Variants in TNKS2 observed in about 807,000 individuals in gnomAD.
The protein encoded by TNKS2 is tankyrase 2.
TNKS2 carries 72 observed loss-of-function variants against 137.6 expected under a neutral mutation model. That is an observed-to-expected ratio of 0.52 (90% confidence interval 0.43 to 0.64). The LOEUF (loss-of-function observed/expected upper bound fraction) is 0.64. TNKS2 is among the 30% of genes least tolerant of loss of function. The pLI is 0.00. For missense variants in TNKS2, 1,049 were observed against 1,410.2 expected (o/e 0.74, Z 4.10); for synonymous variants, 516 against 512.1 (o/e 1.01, Z -0.10).
intron 1 of TNKS2, among the ~76,000 whole-genome samples, chr10:91,808,855 A>T (rs1358168985): frequency 3.3e-5 from 5 of 152,158 alleles, no homozygotes; most frequent in African/African-American, 1.2e-4. Context: ...AGGAAGCAAT[A>T]AGCCCTCAGT....
intron 13 of TNKS2, among the ~76,000 whole-genome samples, chr10:91,837,507 G>A (rs990792252): frequency 6.6e-6 from 1 of 152,118 alleles, no homozygotes; most frequent in African/African-American, 2.4e-5. Flanking sequence ...CTGTTTCTCC[G>A]ACAAGAGTCT....
intron 16 of TNKS2, 109 bp from the exon 17 acceptor site, chr10:91,844,810 A>T: frequency 3.2e-6 from 2 of 627,788 alleles, no homozygotes; most frequent in Non-Finnish European, 5.5e-6. Flanking sequence ...AAATACATAT[A>T]TATATGTATA....
rs767523653 is a variant in TNKS2, at chr10:91,836,945, G to A, written c.1474G>A (p.Ala492Thr). 1.9e-6 allele frequency: 3 copies of A among 1,612,972 alleles called. No homozygotes were observed. Among genetic ancestry groups the A allele is most frequent in the African/African-American group, 2.7e-5 (2 of 74,862 alleles). ...QEGISLGNSEADRQLLEAAKA... is the reference protein window; with the variant it reads ...QEGISLGNSETDRQLLEAAKA... The stretch of plus-strand genomic sequence containing the variant: ...GGGTATCTCATTAGGTAATTCAGAG[G>A]CAGACAGACAATTGCTGGAAGCTGC... Residue 492 changes from alanine (A) to threonine (T), a missense_variant, in exon 13 of 27, where the codon GCA becomes ACA. Physicochemically the swap from Ala to Thr is moderately conservative, Grantham distance 58. Coordinates refer to ENST00000371627, the MANE Select transcript of TNKS2 (RefSeq NM_025235.4).
At chr10:91,853,991 C>A (rs1027573644) in intron 21 of TNKS2, among the ~76,000 whole-genome samples, 5 of 152,012 alleles carry the variant, frequency 3.3e-5, no homozygotes, top group Non-Finnish European at 7.4e-5. Context: ...GTTTAAAATT[C>A]CATTTAAAAA....
At chr10:91,852,944 A>G (rs1231815613) in intron 21 of TNKS2, among the ~76,000 whole-genome samples, 1 of 152,232 alleles carries the variant, frequency 6.6e-6, no homozygotes, top group Non-Finnish European at 1.5e-5. Context: ...TAGAGGACAA[A>G]TTTTTGTAAG....
intron 9 of TNKS2, 27 bp downstream of exon 9, chr10:91,828,433 A>C: frequency 6.5e-7 from 1 of 1,540,400 alleles, no homozygotes; most frequent in African/African-American, 1.4e-5. Flanking sequence ...AAGTTTTTAA[A>C]ATACAATAAC....
rs1227362681 is a variant in TNKS2 at position 91,850,367 on chromosome 10, C to CA, written c.2694+790dup. ...TCGGCAACAGAGCAAGACTCGGTCT[C>CA]AAAAAAAAAAAAAAAAAGAACATAT... On this transcript the variant is annotated intron_variant, in intron 20 of 26. Coordinates refer to ENST00000371627, the MANE Select transcript of TNKS2 (RefSeq NM_025235.4). Among the ~76,000 whole-genome samples the CA allele has an allele frequency of 8.2e-3, 731 of 89,142 alleles. 9 individuals carry two copies. The highest frequency in any genetic ancestry group is 0.019 in the African/African-American group (444 of 22,970). The allele number at this position is 89,142 out of a possible 152,430, so 58.5% of individuals were successfully genotyped here. A position where few individuals can be genotyped will look rare whatever the true frequency, so the allele number is the denominator to read the frequency against.
chr10:91,848,104 A>G (rs1024544474), intron 18 of TNKS2, among the ~76,000 whole-genome samples: 1 of 152,154 alleles, frequency 6.6e-6, no homozygotes, highest in Non-Finnish European at 1.5e-5. Context: ...CTCAAGCATT[A>G]TACTTACTGT....
At position 91,859,688 on chromosome 10, in the gene TNKS2, A is replaced by ATGGT. The variant is rs764879218; in HGVS notation, c.3281+40_3281+41insTGGT. 34 of 1,554,920 alleles carry ATGGT rather than the reference A, an allele frequency of 2.2e-5. No homozygotes were observed. In the African/African-American group the frequency reaches 4.6e-4, roughly 21 times the overall value. ...GTTCTCATTTATTTTGGTGGTAATC[A>ATGGT]GATAAGAACTAGTTGCATTTTTGAG... On this transcript the variant is annotated intron_variant, in intron 25 of 26. Coordinates refer to ENST00000371627, the MANE Select transcript of TNKS2 (RefSeq NM_025235.4).
intron 13 of TNKS2, among the ~76,000 whole-genome samples, chr10:91,839,648 A>G (rs1206021615): frequency 6.6e-6 from 1 of 152,156 alleles, no homozygotes; most frequent in Non-Finnish European, 1.5e-5. Flanking sequence ...TGGTTACTGA[A>G]CCACCAGCAT....
intron 19 of TNKS2, 60 bp downstream of exon 19, chr10:91,848,695 G>A: frequency 6.4e-7 from 1 of 1,573,254 alleles, no homozygotes; most frequent in Non-Finnish European, 8.6e-7. Flanking sequence ...TTTGTCATTT[G>A]GGATGCTAAA....
chr10:91,859,449 A>G lies in TNKS2; in HGVS notation c.3095-13A>G, dbSNP rs200789586. The G allele has an allele frequency of 5.2e-6, 8 of 1,548,210 alleles. No homozygotes were observed. Among genetic ancestry groups the G allele is most frequent in the South Asian group, 1.3e-5 (1 of 77,584 alleles). ...AATTTTAAATTATTGTTACCCATCT[A>G]TATGTGTTTCAGGGTCTCCTTTTGT... is the stretch of plus-strand genomic sequence containing the variant. On this transcript the variant is annotated splice_polypyrimidine_tract_variant and intron_variant, in intron 24 of 26. Transcript: ENST00000371627.
chr10:91,844,478 G>A (rs1320836328), intron 16 of TNKS2, among the ~76,000 whole-genome samples: 1 of 152,130 alleles, frequency 6.6e-6, no homozygotes, highest in East Asian at 1.9e-4. Flanking sequence ...AGGACTCTGA[G>A]GCCCACTCTG....
At chr10:91,809,174 T>C (rs531813506) in intron 1 of TNKS2, among the ~76,000 whole-genome samples, 2 of 152,300 alleles carry the variant, frequency 1.3e-5, no homozygotes, top group South Asian at 2.1e-4. Context: ...TTTAAAGATA[T>C]ATATTAGCAG....
chr10:91,833,547 A>G, intron 11 of TNKS2, among the ~76,000 whole-genome samples: 1 of 152,172 alleles, frequency 6.6e-6, no homozygotes. Context: ...AGATCCATAA[A>G]AATAGATGAG....
At chr10:91,820,601 T>G (rs1278055555) in intron 6 of TNKS2, among the ~76,000 whole-genome samples, 1 of 152,204 alleles carries the variant, frequency 6.6e-6, no homozygotes, top group Non-Finnish European at 1.5e-5. Context: ...TTTGGAGGAC[T>G]GGGTATTTAG....
In TNKS2 at chr10:91,855,067, G is replaced by A; in HGVS notation, c.2854G>A (p.Gly952Arg). 1 of 1,611,944 alleles carries A rather than the reference G, an allele frequency of 6.2e-7. No individual in the cohort carries two copies. The highest frequency in any genetic ancestry group is 8.5e-7 in the Non-Finnish European group (1 of 1,178,508). The change falls in exon 22 of 27, where the codon GGA becomes AGA. Residue 952 changes from glycine to arginine, a missense_variant. Gly to Arg is a moderately radical substitution (Grantham distance 125, BLOSUM62 -2). Around this residue, in one of 6 missense-constraint regions of TNKS2, gnomAD observed 208 missense variants for 231.2 expected, o/e 0.90. Transcript: ENST00000371627. ...TTTAACTTTGAACACCTCTGGTAGT[G>A]GAACAATTCTTATAGATCTGTCTCC... ...PYLTLNTSGS[G>R]TILIDLSPDD... is the part of the protein sequence containing the mutation.
intron 1 of TNKS2, among the ~76,000 whole-genome samples, chr10:91,807,991 G>C (rs1396522454): frequency 1.6e-5 from 1 of 64,230 alleles, no homozygotes; most frequent in Non-Finnish European, 2.7e-5. Context: ...GCGAGACTCT[G>C]TCTCAAAAAA....
intron 23 of TNKS2, among the ~76,000 whole-genome samples, chr10:91,856,678 G>A (rs1419434212): frequency 6.6e-6 from 1 of 152,124 alleles, no homozygotes; most frequent in Non-Finnish European, 1.5e-5. Context: ...GTGATGAAAC[G>A]GGTTTTTTTT....
Sources: allele counts gnomAD v4.1 joint callset (sites outside exome capture counted in the v4.1 genomes callset), GRCh38; gene constraint gnomAD v4.1.1; regional missense constraint gnomAD v4.1.1; transcripts MANE v1.5; gene names NCBI Gene and HGNC (gene_info 2026-07-23, HGNC 2026-07-21).